TARS3: variants seen among roughly 807,000 people sequenced by gnomAD.
The protein encoded by TARS3 is threonine--tRNA ligase 2, cytoplasmic.
Under a neutral mutation model 103.5 loss-of-function variants are expected in TARS3, and 94 were observed. That is an observed-to-expected ratio of 0.91 (90% confidence interval 0.77 to 1.08). The LOEUF is 1.08. Ranked by LOEUF, TARS3 falls within the 50% of genes least tolerant of loss-of-function variation. The pLI, the probability that TARS3 is intolerant of heterozygous loss-of-function variation, is 0.00. For missense variants in TARS3, 952 were observed against 995.2 expected, an observed-to-expected ratio of 0.96 and a Z score of 0.58; for synonymous variants, 416 against 355.4, an observed-to-expected ratio of 1.17 and a Z score of -1.92.
intron 2 of TARS3, 45 bp from the exon 3 acceptor site, chr15:101,721,367 T>A: frequency 6.7e-7 from 1 of 1,487,338 alleles, no homozygotes; most frequent in Non-Finnish European, 9.3e-7. Context: ...TACAGCCTAC[T>A]GTTTTCCAGC....
chr15:101,701,746 G>A (rs1347399981), intron 9 of TARS3, among the ~76,000 whole-genome samples: 1 of 152,176 alleles, frequency 6.6e-6, no homozygotes, highest in Non-Finnish European at 1.5e-5. Context: ...CAGATACAAA[G>A]GATGCTATAA....
At position 101,724,351 on chromosome 15, in the gene TARS3, ACGCCACGGCCTCCGC is replaced by A. The variant is rs1239955942; in HGVS notation, c.22_36del (p.Ala8_Ala12del). 2.0e-5 allele frequency: 31 copies of A among 1,549,872 alleles called. No homozygotes were observed. The Admixed American group carries it at 5.7e-4, about 29-fold the overall frequency. ...TCCTCCTCCTGCCGCTCCAGGCGCGACGCCACGGCCTCCGCCGCCAGGGCCTCGGCCGCCATCGCG... is the reference window on the plus strand; with the variant it reads ...TCCTCCTCCTGCCGCTCCAGGCGCGACGCCAGGGCCTCGGCCGCCATCGCG... On this transcript the variant is annotated inframe_deletion, in exon 1 of 19. Coordinates refer to ENST00000335968, the MANE Select transcript of TARS3 (RefSeq NM_152334.3).
At chr15:101,721,089 A>G in intron 3 of TARS3, 37 bp downstream of exon 3, 1 of 1,550,766 alleles carries the variant, frequency 6.4e-7, no homozygotes, top group African/African-American at 1.4e-5. Flanking sequence ...CAGTATAATT[A>G]CTTAAGATTG....
In TARS3 at chr15:101,654,394, T is replaced by C. The variant is rs1897121754; in HGVS notation, c.*188A>G. ...AAATTTCCCACGTGCCCTCTAAACGTCCCCCGTGGACATGAGTAAATTAAA... is the reference window on the plus strand; with the variant it reads ...AAATTTCCCACGTGCCCTCTAAACGCCCCCCGTGGACATGAGTAAATTAAA... On this transcript the variant is annotated 3_prime_UTR_variant, in exon 19 of 19. Coordinates refer to ENST00000335968, the MANE Select transcript of TARS3 (RefSeq NM_152334.3). 5.5e-6 allele frequency: 3 copies of C among 549,438 alleles called. No homozygotes were observed. In the East Asian group the frequency reaches 9.8e-5, roughly 18 times the overall value. The allele number at this position is 549,438 out of a possible 1,614,324, so 34.0% of individuals were successfully genotyped here. A position where few individuals can be genotyped will look rare whatever the true frequency, so the allele number is the denominator to read the frequency against.
chr15:101,691,244 G>T (rs1303808251), intron 10 of TARS3, among the ~76,000 whole-genome samples: 1 of 148,372 alleles, frequency 6.7e-6, no homozygotes, highest in Non-Finnish European at 1.5e-5. Context: ...CGGCCAATGG[G>T]TATCAGTCTT....
chr15:101,669,889 A>G (rs889241600), intron 15 of TARS3, among the ~76,000 whole-genome samples: 89 of 152,242 alleles, frequency 5.8e-4, no homozygotes, highest in Non-Finnish European at 1.3e-4. Context: ...ATATATGTCC[A>G]ACTAATTTCT....
chr15:101,672,423 C>T (rs1468404683), intron 13 of TARS3, among the ~76,000 whole-genome samples: 2 of 152,134 alleles, frequency 1.3e-5, no homozygotes, highest in East Asian at 1.9e-4. Flanking sequence ...CTGGGAAGCA[C>T]GTGGGCATTC....
Position 101,684,104 on chromosome 15 carries a change from C to T in TARS3, c.1621G>A (p.Asp541Asn), listed in dbSNP as rs756387165. 7.4e-6 allele frequency: 12 copies of T among 1,613,084 alleles called. No individual in the cohort carries two copies. Among genetic ancestry groups the T allele is most frequent in the African/African-American group, 1.3e-5 (1 of 74,880 alleles). Reference protein sequence around the residue: ...LTRVRRFQQDDAHIFCTVEQI... With the variant: ...LTRVRRFQQDNAHIFCTVEQI... Reference sequence around the variant, plus strand: ...TCCACTGTGCAAAAAATGTGAGCATCGTCCTGCTGGAAGCGCCTCACTCTG... The same window carrying T: ...TCCACTGTGCAAAAAATGTGAGCATTGTCCTGCTGGAAGCGCCTCACTCTG... The change falls in exon 12 of 19, where the codon GAT (aspartate) becomes AAT (asparagine). Residue 541 changes from aspartate to asparagine, a missense_variant. Transcript: ENST00000335968.
At chr15:101,677,000 C>T (rs1422378909) in intron 12 of TARS3, among the ~76,000 whole-genome samples, 1 of 152,136 alleles carries the variant, frequency 6.6e-6, no homozygotes, top group Non-Finnish European at 1.5e-5. Flanking sequence ...TGTTGTTCCC[C>T]TCCCTGTGTC....
chr15:101,689,691 C>T (rs1898626668), intron 10 of TARS3, among the ~76,000 whole-genome samples: 1 of 152,172 alleles, frequency 6.6e-6, no homozygotes, highest in African/African-American at 2.4e-5. Flanking sequence ...AGGATTCCCC[C>T]ATGGGTTTTA....
intron 13 of TARS3, among the ~76,000 whole-genome samples, chr15:101,674,205 T>A (rs989371159): frequency 6.6e-6 from 1 of 152,222 alleles, no homozygotes; most frequent in Non-Finnish European, 1.5e-5. Flanking sequence ...TCAAATCAAC[T>A]ATGCAGTATC....
intron 7 of TARS3, among the ~76,000 whole-genome samples, chr15:101,704,250 T>G (rs575808422): frequency 1.3e-5 from 2 of 152,312 alleles, no homozygotes; most frequent in African/African-American, 4.8e-5. Context: ...TCTCTCTCAA[T>G]GGTCAGTCTT....
At chr15:101,722,470 T>C (rs1232359586) in intron 2 of TARS3, among the ~76,000 whole-genome samples, 1 of 150,288 alleles carries the variant, frequency 6.7e-6, no homozygotes. Context: ...ATTGTTTTAA[T>C]GCTTTATATA....
intron 10 of TARS3, among the ~76,000 whole-genome samples, chr15:101,687,718 T>C (rs1413485826): frequency 1.3e-5 from 2 of 152,144 alleles, no homozygotes; most frequent in Admixed American, 6.5e-5. Flanking sequence ...TCCCCCAAAA[T>C]TGTGATATTG....
At chr15:101,721,552 G>A (rs978199392) in intron 2 of TARS3, among the ~76,000 whole-genome samples, 2 of 151,970 alleles carry the variant, frequency 1.3e-5, no homozygotes, top group African/African-American at 2.4e-5. Context: ...TGGAGTGCAG[G>A]GGCACGAAAT....
At chr15:101,683,419 G>C (rs559781157) in intron 12 of TARS3, among the ~76,000 whole-genome samples, 1 of 152,232 alleles carries the variant, frequency 6.6e-6, no homozygotes, top group South Asian at 2.1e-4. Context: ...TATTTTAATT[G>C]CATCCCTTTC....
intron 12 of TARS3, among the ~76,000 whole-genome samples, chr15:101,680,533 C>T (rs973954679): frequency 3.3e-5 from 5 of 152,096 alleles, no homozygotes; most frequent in Admixed American, 6.6e-5. Context: ...TTCAGAGTCT[C>T]GTGTTTGTTT....
At chr15:101,656,310 T>C (rs945606505) in intron 18 of TARS3, among the ~76,000 whole-genome samples, 2 of 152,202 alleles carry the variant, frequency 1.3e-5, no homozygotes, top group African/African-American at 4.8e-5. Flanking sequence ...ACACTGTCAA[T>C]AGAACAATGC....
chr15:101,700,305 C>A (rs377263353), intron 10 of TARS3, among the ~76,000 whole-genome samples: 5 of 152,182 alleles, frequency 3.3e-5, no homozygotes. Context: ...ACTTGTAATA[C>A]AAGTAGGTAT....
Sources: allele counts gnomAD v4.1 joint callset (sites outside exome capture counted in the v4.1 genomes callset), GRCh38; gene constraint gnomAD v4.1.1; transcripts MANE v1.5; gene names NCBI Gene and HGNC (gene_info 2026-07-23, HGNC 2026-07-21).